The following FRMD4A variants were observed in gnomAD, a reference collection of about 807,000 sequenced individuals.
FRMD4A encodes FERM domain containing 4A, also known as FERM domain-containing protein 4A.
A neutral mutation model predicts 129.1 loss-of-function variants in FRMD4A; 29 were observed. The observed-to-expected ratio is 0.22, with a 90% CI of 0.17 to 0.31. The LOEUF (loss-of-function observed/expected upper bound fraction) is 0.31. FRMD4A is among the 10% of genes least tolerant of loss of function. FRMD4A has a pLI of 1.00. For synonymous variants in FRMD4A, 634 were observed against 571.6 expected (o/e 1.11, Z -1.56); for missense variants, 1,272 against 1,375.8 (o/e 0.92, Z 1.19).
At chr10:13,777,383 C>A (rs1387216068) in intron 6 of FRMD4A, among the ~76,000 whole-genome samples, 2 of 151,970 alleles carry the variant, frequency 1.3e-5, no homozygotes, top group African/African-American at 4.8e-5. Context: ...AAATATTATT[C>A]TTGATCACAG....
At chr10:13,810,546 C>T (rs2093427599) in intron 4 of FRMD4A, among the ~76,000 whole-genome samples, 1 of 152,178 alleles carries the variant, frequency 6.6e-6, no homozygotes, top group South Asian at 2.1e-4. Flanking sequence ...AAAAAATAAA[C>T]ATTTCAGTCT....
intron 2 of FRMD4A, among the ~76,000 whole-genome samples, chr10:14,186,944 G>A (rs1842163233): frequency 6.9e-6 from 1 of 145,374 alleles, no homozygotes; most frequent in African/African-American, 2.6e-5. Context: ...AACATACTGA[G>A]ACCTCGTCTC....
intron 3 of FRMD4A, among the ~76,000 whole-genome samples, chr10:13,846,725 C>T (rs914392002): frequency 1.3e-5 from 2 of 152,156 alleles, no homozygotes; most frequent in African/African-American, 4.8e-5. Flanking sequence ...CACTGTCTCT[C>T]GTAAACAGCT....
chr10:13,796,999 C>T (rs192884562), intron 4 of FRMD4A, among the ~76,000 whole-genome samples: 32 of 152,282 alleles, frequency 2.1e-4, no homozygotes, highest in African/African-American at 7.2e-4. Context: ...GGATTACAGG[C>T]GTGAGCCACT....
At chr10:13,935,596 G>C (rs1436873577) in intron 2 of FRMD4A, among the ~76,000 whole-genome samples, 1 of 151,502 alleles carries the variant, frequency 6.6e-6, no homozygotes, top group East Asian at 1.9e-4. Flanking sequence ...AACTGATAAA[G>C]ACAAGTTTAT....
intron 2 of FRMD4A, among the ~76,000 whole-genome samples, chr10:14,236,105 C>T (rs1024200598): frequency 2.0e-5 from 3 of 152,176 alleles, no homozygotes; most frequent in South Asian, 2.1e-4. Context: ...CTATTCTTGA[C>T]GATTTTCTAA....
In FRMD4A at chr10:13,657,390, C is replaced by T; in HGVS notation, c.2199G>A (p.Pro733=). The change falls in exon 22 of 25, where the codon CCG becomes CCA. Residue 733 remains proline, a synonymous_variant. Coordinates refer to ENST00000357447, the MANE Select transcript of FRMD4A (RefSeq NM_018027.5). ...CTGAGCCGTTGCTGCTACGAGTCCG[C>T]GGGGTGTAGAAGTCGGGGCTCCCGG... is the stretch of plus-strand genomic sequence containing the variant. ...NDTGSPDFYT[P]RTRSSNGSDP... 1.2e-6 allele frequency: 2 copies of T among 1,612,802 alleles called. No individual in the cohort carries two copies. The highest frequency in any genetic ancestry group is 2.2e-5 in the East Asian group (1 of 44,868).
At chr10:13,740,374 A>T in intron 10 of FRMD4A, 123 bp from the exon 11 acceptor site, 1 of 891,600 alleles carries the variant, frequency 1.1e-6, no homozygotes, top group Non-Finnish European at 1.9e-6. Context: ...CGGAGTGATT[A>T]TTTACTTGAA....
intron 2 of FRMD4A, among the ~76,000 whole-genome samples, chr10:14,089,991 A>G (rs556888998): frequency 1.2e-4 from 18 of 152,368 alleles, no homozygotes; most frequent in African/African-American, 4.3e-4. Flanking sequence ...TCTCTAGAAG[A>G]GAGGAGAACT....
chr10:13,951,929 T>TAATAATAATAAAAAA (rs1554984653), intron 2 of FRMD4A, among the ~76,000 whole-genome samples: 11 of 145,966 alleles, frequency 7.5e-5, no homozygotes, highest in South Asian at 2.1e-4. Flanking sequence ...ATAATAATAA[T>TAATAATAATAAAAAA]AAACAATCTA....
At chr10:14,048,904 A>ATAG (rs1233151111) in intron 2 of FRMD4A, among the ~76,000 whole-genome samples, 37 of 144,994 alleles carry the variant, frequency 2.6e-4, no homozygotes, top group East Asian at 2.3e-3. Context: ...ATAGAATAGA[A>ATAG]AATAAAATGA....
At chr10:13,886,230 G>GCT (rs1554957575) in intron 2 of FRMD4A, among the ~76,000 whole-genome samples, 1 of 151,402 alleles carries the variant, frequency 6.6e-6, no homozygotes, top group African/African-American at 2.4e-5. Context: ...TGCCGTTTTT[G>GCT]TTTTTTTTCC....
At chr10:13,943,285 C>T (rs191413064) in intron 2 of FRMD4A, among the ~76,000 whole-genome samples, 19 of 152,136 alleles carry the variant, frequency 1.2e-4, no homozygotes, top group Admixed American at 4.6e-4. Context: ...AGAAATAGAC[C>T]CAGGCCTGGT....
In FRMD4A at chr10:14,097,160, A is replaced by G. The variant is rs906234667; in HGVS notation, c.45+232898T>C. 6.2e-3 allele frequency: 691 copies of G among 112,166 alleles called. 12 individuals are homozygous for G. Among genetic ancestry groups the G allele is most frequent in the African/African-American group, 0.026 (651 of 25,456 alleles). The allele number at this position is 112,166 out of a possible 1,614,324, so 6.9% of individuals were successfully genotyped here. ...CCATCTCAAAAAAAAAAAAAAAAAAAAAAAAAAGAAAAGAAAAGAAAAGGT... is the reference window on the plus strand; with the variant it reads ...CCATCTCAAAAAAAAAAAAAAAAAAGAAAAAAAGAAAAGAAAAGAAAAGGT... On this transcript the variant is annotated intron_variant, in intron 2 of 24. Coordinates refer to ENST00000357447, the MANE Select transcript of FRMD4A (RefSeq NM_018027.5).
chr10:13,707,286 G>T, intron 12 of FRMD4A, 173 bp from the exon 13 acceptor site: 2 of 829,154 alleles, frequency 2.4e-6, no homozygotes, highest in Non-Finnish European at 3.5e-6. Context: ...ACACACACAC[G>T]CAGCTCTCCA....
At chr10:13,972,238 G>C in intron 2 of FRMD4A, 1 of 996,772 alleles carries the variant, frequency 1.0e-6, no homozygotes. Context: ...GCTAAGAGCA[G>C]AGAGCTGCAG....
intron 2 of FRMD4A, among the ~76,000 whole-genome samples, chr10:14,296,280 G>A (rs933540601): frequency 5.3e-5 from 8 of 152,180 alleles, no homozygotes; most frequent in Non-Finnish European, 1.2e-4. Flanking sequence ...GAAGCCCCAG[G>A]CCAGGGCTCC....
intron 2 of FRMD4A, among the ~76,000 whole-genome samples, chr10:13,875,324 C>T (rs528054631): frequency 6.6e-6 from 1 of 152,250 alleles, no homozygotes; most frequent in South Asian, 2.1e-4. Context: ...GGAGACAGGG[C>T]TGCAACAGCA....
At chr10:14,191,065 A>G (rs1047162649) in intron 2 of FRMD4A, among the ~76,000 whole-genome samples, 2 of 152,180 alleles carry the variant, frequency 1.3e-5, no homozygotes, top group Non-Finnish European at 2.9e-5. Flanking sequence ...AGAGAGTTTT[A>G]GTGTCGCAGT....
Sources: gnomAD v4.1 joint callset for allele counts (sites outside exome capture counted in the v4.1 genomes callset) on GRCh38, gnomAD v4.1.1 for gene constraint, MANE v1.5 for transcripts, NCBI Gene and HGNC (gene_info 2026-07-23, HGNC 2026-07-21) for gene names.